DGLUCY: variants seen among roughly 807,000 people sequenced by gnomAD.
DGLUCY encodes D-glutamate cyclase.
Under a neutral mutation model 58.5 loss-of-function variants are expected in DGLUCY, and 58 were observed. The observed-to-expected ratio is 0.99, with a 90% CI of 0.80 to 1.23. The LOEUF (loss-of-function observed/expected upper bound fraction) is 1.23, where lower values mean the gene tolerates loss of function less well. Among genes scored for constraint, DGLUCY ranks in the 50% most tolerant of loss-of-function variants. DGLUCY has a pLI of 0.00. For missense variants in DGLUCY, 779 were observed against 784.7 expected (o/e 0.99, Z 0.09); for synonymous variants, 325 against 314.1 (o/e 1.03, Z -0.37).
At chr14:91,149,124 G>A (rs1374688344) in intron 1 of DGLUCY, among the ~76,000 whole-genome samples, 2 of 151,926 alleles carry the variant, frequency 1.3e-5, no homozygotes, top group South Asian at 2.1e-4. Flanking sequence ...GCGCATGCCT[G>A]TAATCCCAGC....
At chr14:91,132,478 CT>C (rs111238992) in intron 1 of DGLUCY, among the ~76,000 whole-genome samples, 17,397 of 142,418 alleles carry the variant, frequency 0.12, 1,039 homozygotes, top group Admixed American at 0.15. Context: ...ATAACTTTTT[CT>C]TTTTTTTTTT....
intron 1 of DGLUCY, among the ~76,000 whole-genome samples, chr14:91,151,656 T>C (rs142956003): frequency 2.5e-3 from 372 of 150,730 alleles, no homozygotes; most frequent in African/African-American, 8.6e-3. Context: ...TTCTTTTCTT[T>C]TCTTTTTTTT....
At chr14:91,071,492 G>A (rs2043918261) in intron 1 of DGLUCY, among the ~76,000 whole-genome samples, 1 of 151,196 alleles carries the variant, frequency 6.6e-6, no homozygotes, top group African/African-American at 2.4e-5. Flanking sequence ...AAGGAATTGA[G>A]GATTAAAAAA....
chr14:91,110,188 C>T (rs2044669398), upstream of DGLUCY, among the ~76,000 whole-genome samples: 1 of 152,232 alleles, frequency 6.6e-6, no homozygotes, highest in African/African-American at 2.4e-5. Flanking sequence ...TAATATTTCT[C>T]TTCCTGAGCA....
chr14:91,108,299 G>A (rs942097369), intron 1 of DGLUCY, among the ~76,000 whole-genome samples: 1 of 152,026 alleles, frequency 6.6e-6, no homozygotes, highest in East Asian at 1.9e-4. Context: ...TGGTAACTTT[G>A]ATTTTAAAAA....
chr14:91,107,559 G>A (rs1278923414), upstream of DGLUCY, among the ~76,000 whole-genome samples: 1 of 152,080 alleles, frequency 6.6e-6, no homozygotes, highest in Non-Finnish European at 1.5e-5. Flanking sequence ...TTATCTGCTT[G>A]ATATATTGAG....
rs1035768558 is a variant in DGLUCY at position 91,163,216 on chromosome 14, C to T, written c.103+2819C>T. ...TGGAGCTTGCAGTGAGCCAAGATTG[C>T]GCCACTGCACTCCAGCCTGGGCGAC... On this transcript the variant is annotated intron_variant, in intron 3 of 13. Coordinates refer to ENST00000256324, the MANE Select transcript of DGLUCY (RefSeq NM_001102368.3). Among the ~76,000 whole-genome samples, 15 of 152,014 alleles carry T rather than the reference C, an allele frequency of 9.9e-5. No individual in the cohort carries two copies. The East Asian group carries it at 2.5e-3, about 26-fold the overall frequency.
chr14:91,109,836 A>G (rs1240517057), upstream of DGLUCY, among the ~76,000 whole-genome samples: 1 of 152,166 alleles, frequency 6.6e-6, no homozygotes, highest in East Asian at 1.9e-4. Context: ...GGGGATATAA[A>G]CATTCAGTCC....
upstream of DGLUCY, chr14:91,113,915 A>C (rs1737346270): frequency 6.6e-6 from 1 of 152,278 alleles, no homozygotes; most frequent in Non-Finnish European, 1.5e-5. Context: ...AGGATTTTTC[A>C]AAATTACCCC....
At chr14:91,150,564 C>T (rs1213484949) in intron 1 of DGLUCY, among the ~76,000 whole-genome samples, 1 of 152,018 alleles carries the variant, frequency 6.6e-6, no homozygotes, top group Non-Finnish European at 1.5e-5. Flanking sequence ...GCCTCAGCCT[C>T]CTGAGTAGCT....
At chr14:91,172,054 CTTCT>C (rs2048600423) in intron 5 of DGLUCY, among the ~76,000 whole-genome samples, 1 of 152,062 alleles carries the variant, frequency 6.6e-6, no homozygotes, top group African/African-American at 2.4e-5. Context: ...CCCTCCCTCC[CTTCT>C]TTATTTTATT....
chr14:91,152,221 T>C (rs2047375622), intron 1 of DGLUCY, among the ~76,000 whole-genome samples: 1 of 152,032 alleles, frequency 6.6e-6, no homozygotes, highest in Middle Eastern at 3.2e-3. Context: ...GAGACCCCCA[T>C]CTTTACAAAA....
At chr14:91,158,199 G>T (rs2047773429) in intron 2 of DGLUCY, among the ~76,000 whole-genome samples, 1 of 152,194 alleles carries the variant, frequency 6.6e-6, no homozygotes, top group Non-Finnish European at 1.5e-5. Context: ...TGGCTAAGGT[G>T]GTCAGGCTTG....
intron 10 of DGLUCY, among the ~76,000 whole-genome samples, chr14:91,198,136 G>T (rs139423738): frequency 5.5e-4 from 83 of 152,222 alleles, no homozygotes; most frequent in African/African-American, 1.9e-3. Flanking sequence ...TCTGCCTCCC[G>T]GGTTCAAGTG....
chr14:91,103,794 CACAA>C (rs745654868), upstream of DGLUCY, among the ~76,000 whole-genome samples: 1 of 151,414 alleles, frequency 6.6e-6, no homozygotes, highest in East Asian at 1.9e-4. Context: ...CACACGCACA[CACAA>C]ACACATATAT....
chr14:91,165,528 G>A (rs888032254), intron 3 of DGLUCY, among the ~76,000 whole-genome samples: 1 of 152,208 alleles, frequency 6.6e-6, no homozygotes, highest in Admixed American at 6.5e-5. Flanking sequence ...GCATGTAATA[G>A]GAGGTCTTCT....
chr14:91,080,239 G>A (rs1396810481), intron 1 of DGLUCY, among the ~76,000 whole-genome samples: 2 of 152,174 alleles, frequency 1.3e-5, no homozygotes, highest in East Asian at 3.8e-4. Context: ...TGTGAATAAT[G>A]TTGTGATAAA....
intron 1 of DGLUCY, among the ~76,000 whole-genome samples, chr14:91,152,004 G>GTCC (rs2047365701): frequency 6.6e-6 from 1 of 152,170 alleles, no homozygotes; most frequent in Non-Finnish European, 1.5e-5. Flanking sequence ...CCACCACGGA[G>GTCC]TCCTACCTTA....
intron 1 of DGLUCY, among the ~76,000 whole-genome samples, chr14:91,074,312 A>AT (rs754926022): frequency 0.022 from 2,643 of 121,338 alleles, 41 homozygotes; most frequent in South Asian, 0.035. Context: ...AAAAAAAAAA[A>AT]ATATATATAT....
Sources: gnomAD v4.1 joint callset for allele counts (sites outside exome capture counted in the v4.1 genomes callset) on GRCh38, gnomAD v4.1.1 for gene constraint, MANE v1.5 for transcripts, NCBI Gene and HGNC (gene_info 2026-07-23, HGNC 2026-07-21) for gene names.